Variants in MMP20 observed in about 807,000 individuals in gnomAD.
MMP20 encodes matrix metalloproteinase-20.
In MMP20, 50 loss-of-function variants were observed where a neutral mutation model predicts 51.8. That is an observed-to-expected ratio of 0.97 (90% CI 0.77 to 1.22). The LOEUF is 1.22. MMP20 is among the 50% of genes most tolerant of loss of function. MMP20 has a pLI of 0.00. For synonymous variants in MMP20, 244 were observed against 216.2 expected (o/e 1.13, Z -1.13); for missense variants, 663 against 601.4 (o/e 1.10, Z -1.07).
intron 8 of MMP20, among the ~76,000 whole-genome samples, chr11:102,586,571 T>C (rs1859256890): frequency 6.6e-6 from 1 of 152,170 alleles, no homozygotes; most frequent in Non-Finnish European, 1.5e-5. Flanking sequence ...CCCAGCATTT[T>C]GTGAGGCTGA....
chr11:102,623,250 C>G (rs546798089), intron 1 of MMP20, among the ~76,000 whole-genome samples: 7 of 152,332 alleles, frequency 4.6e-5, no homozygotes, highest in African/African-American at 7.2e-5. Context: ...CCAAGAGTGT[C>G]TAGCCCAGGG....
chr11:102,612,205 C>T (rs1859610876), intron 2 of MMP20, among the ~76,000 whole-genome samples: 1 of 152,198 alleles, frequency 6.6e-6, no homozygotes, highest in African/African-American at 2.4e-5. Context: ...TGGCTCACGC[C>T]TGTAATCCCA....
At chr11:102,590,119 C>T (rs59379441) in intron 8 of MMP20, among the ~76,000 whole-genome samples, 5,607 of 152,186 alleles carry the variant, frequency 0.037, 123 homozygotes, top group Middle Eastern at 0.082. Context: ...GGTGGTGACA[C>T]CCCCTGCTGC....
intron 2 of MMP20, among the ~76,000 whole-genome samples, chr11:102,615,096 G>T (rs1859651180): frequency 1.4e-5 from 2 of 145,544 alleles, no homozygotes; most frequent in Admixed American, 6.9e-5. Context: ...ATAATTTAAT[G>T]TAATTTATTA....
intron 3 of MMP20, among the ~76,000 whole-genome samples, chr11:102,611,217 G>A (rs1031288041): frequency 2.6e-5 from 4 of 152,204 alleles, no homozygotes; most frequent in Admixed American, 2.6e-4. Context: ...GCAATGGAAT[G>A]GAGAAGAAGT....
intron 8 of MMP20, among the ~76,000 whole-genome samples, chr11:102,584,906 A>G (rs1859237425): frequency 6.6e-6 from 1 of 152,086 alleles, no homozygotes; most frequent in South Asian, 2.1e-4. Flanking sequence ...ATGACTTTAT[A>G]TCGTTGTCAA....
At chr11:102,621,667 T>G (rs976763176) in intron 1 of MMP20, among the ~76,000 whole-genome samples, 9 of 152,254 alleles carry the variant, frequency 5.9e-5, no homozygotes, top group Non-Finnish European at 1.0e-4. Context: ...GAAGCCTTAT[T>G]CATATGGAAG....
At chr11:102,601,125 C>T (rs866241961) in intron 6 of MMP20, among the ~76,000 whole-genome samples, 96 of 28,242 alleles carry the variant, frequency 3.4e-3, no homozygotes, top group African/African-American at 4.6e-3. Flanking sequence ...GTCGGCTATT[C>T]TTTTTTTTTT....
chr11:102,611,826 C>T lies in MMP20; in HGVS notation c.452G>A (p.Ser151Asn). 1 of 1,614,248 alleles carries T rather than the reference C, an allele frequency of 6.2e-7. No individual in the cohort carries two copies. Among genetic ancestry groups the T allele is most frequent in the Non-Finnish European group, 8.5e-7 (1 of 1,180,046 alleles). ...TCTGACAAAGCTCAGAGGGACGGCG[C>T]TACTCCAGGCCTGCAAGGCCATCTC... Reference protein sequence around the residue: ...AVEMALQAWSSAVPLSFVRIN... With the variant: ...AVEMALQAWSNAVPLSFVRIN... The change falls in exon 3 of 10, where the codon AGC becomes AAC. Residue 151 changes from serine (S) to asparagine (N), a missense_variant. Ser to Asn is a conservative substitution (Grantham distance 46). Coordinates refer to ENST00000260228, the MANE Select transcript of MMP20 (RefSeq NM_004771.4).
At chr11:102,598,296 C>T (rs1448505659) in intron 6 of MMP20, among the ~76,000 whole-genome samples, 1 of 152,110 alleles carries the variant, frequency 6.6e-6, no homozygotes. Context: ...ATCTATAAGC[C>T]TCTTGGAAAA....
At chr11:102,579,831 ACT>A (rs1266431922) in intron 8 of MMP20, among the ~76,000 whole-genome samples, 5 of 152,130 alleles carry the variant, frequency 3.3e-5, no homozygotes, top group African/African-American at 9.6e-5. Flanking sequence ...TTTGAAAGGA[ACT>A]CTCTATATTT....
At chr11:102,583,044 T>C (rs1859214639) in intron 8 of MMP20, among the ~76,000 whole-genome samples, 2 of 152,210 alleles carry the variant, frequency 1.3e-5, no homozygotes, top group South Asian at 2.1e-4. Context: ...AAATCTCTTC[T>C]GATATTTTTC....
At chr11:102,594,062 C>T (rs1711439) in intron 7 of MMP20, among the ~76,000 whole-genome samples, 59,925 of 152,074 alleles carry the variant, frequency 0.39, 12,314 homozygotes, top group South Asian at 0.58. Flanking sequence ...TCACAACGCA[C>T]CTTCAAGGTT....
chr11:102,598,428 T>C (rs1859408254), intron 6 of MMP20, among the ~76,000 whole-genome samples: 1 of 152,256 alleles, frequency 6.6e-6, no homozygotes, highest in Admixed American at 6.5e-5. Context: ...GCTGATTAGA[T>C]ATTTAGCTGC....
At chr11:102,578,907 T>TATGAAAGG in intron 9 of MMP20, 132 bp downstream of exon 9, 1 of 699,446 alleles carries the variant, frequency 1.4e-6, no homozygotes, top group Non-Finnish European at 2.6e-6. Context: ...TAGATAAACT[T>TATGAAAGG]ATGAAAGGAC....
chr11:102,592,177 G>A (rs1859325170), intron 8 of MMP20, among the ~76,000 whole-genome samples: 1 of 152,162 alleles, frequency 6.6e-6, no homozygotes, highest in Non-Finnish European at 1.5e-5. Flanking sequence ...CTTAAAGAAA[G>A]ACTTTAGAGA....
At chr11:102,606,743 A>G in intron 5 of MMP20, 67 bp from the exon 6 acceptor site, 1 of 1,576,380 alleles carries the variant, frequency 6.3e-7, no homozygotes. Flanking sequence ...TCTGCTCTAG[A>G]GCCCCAGGGG....
intron 2 of MMP20, among the ~76,000 whole-genome samples, chr11:102,612,661 T>A (rs1007551865): frequency 6.6e-6 from 1 of 151,976 alleles, no homozygotes; most frequent in Non-Finnish European, 1.5e-5. Context: ...TCCTCAGGAT[T>A]TCCCCAGGGC....
rs376392684 is a variant in MMP20 at position 102,577,389 on chromosome 11, C to G, written c.1389G>C (p.Lys463Asn). The G allele has an allele frequency of 1.2e-6, 2 of 1,613,900 alleles. No homozygotes were observed. The highest frequency in any genetic ancestry group is 1.7e-6 in the Non-Finnish European group (2 of 1,179,942). ...IYFFSGPKTYKYDTEKEDVVS... is the reference protein window; with the variant it reads ...IYFFSGPKTYNYDTEKEDVVS... ...CCACATCTTCCTTCTCTGTGTCATA[C>G]TTGTATGTTTTTGGTCCTGAAAAGA... Residue 463 changes from lysine to asparagine, a missense_variant, in exon 10 of 10, where the codon AAG (lysine) becomes AAC (asparagine). Lys to Asn is a moderately conservative substitution (Grantham distance 94, BLOSUM62 0). Transcript: ENST00000260228.
Sources: allele counts gnomAD v4.1 joint callset (sites outside exome capture counted in the v4.1 genomes callset), GRCh38; gene constraint gnomAD v4.1.1; transcripts MANE v1.5; gene names NCBI Gene and HGNC (gene_info 2026-07-23, HGNC 2026-07-21).